Variants in CREBBP observed in about 807,000 individuals in gnomAD.
CREBBP encodes the protein CREB-binding protein.
A neutral mutation model predicts 265.0 loss-of-function variants in CREBBP; 19 were observed. That is an observed-to-expected ratio of 0.07 (90% CI 0.05 to 0.11). The LOEUF (loss-of-function observed/expected upper bound fraction) is 0.11. Among genes scored for constraint, CREBBP ranks in the 10% least tolerant of loss-of-function variants. The pLI, the probability that CREBBP is intolerant of heterozygous loss-of-function variation, is 1.00. For missense variants in CREBBP, 2,525 were observed against 3,219.0 expected (o/e 0.78, Z 5.22); for synonymous variants, 1,457 against 1,223.7 (o/e 1.19, Z -3.98).
At chr16:3,806,219 A>G (rs1012902333) in intron 3 of CREBBP, among the ~76,000 whole-genome samples, 4 of 152,106 alleles carry the variant, frequency 2.6e-5, no homozygotes, top group Admixed American at 2.6e-4. Flanking sequence ...GGCAGGACAC[A>G]GAAGACCACT....
chr16:3,767,229 C>T (rs927507441), intron 16 of CREBBP: 6 of 174,116 alleles, frequency 3.4e-5, no homozygotes, highest in African/African-American at 9.6e-5. Flanking sequence ...GGTCCCTAGG[C>T]GCCACCCTGC....
At chr16:3,837,771 C>T (rs2054485247) in intron 2 of CREBBP, among the ~76,000 whole-genome samples, 1 of 151,858 alleles carries the variant, frequency 6.6e-6, no homozygotes, top group African/African-American at 2.4e-5. Flanking sequence ...TTTTAAAAAA[C>T]TGAAGTTTAT....
intron 1 of CREBBP, among the ~76,000 whole-genome samples, chr16:3,866,121 A>G (rs2055174560): frequency 2.0e-5 from 3 of 152,234 alleles, no homozygotes; most frequent in Admixed American, 6.5e-5. Flanking sequence ...TAGTGTACAA[A>G]TAAGCTTAAA....
chr16:3,747,109 AGCTC>A (rs2151359809), intron 21 of CREBBP, among the ~76,000 whole-genome samples: 1 of 150,634 alleles, frequency 6.6e-6, no homozygotes, highest in Admixed American at 6.6e-5. Context: ...TGGCTCCAAA[AGCTC>A]TTGCTTTAAT....
In CREBBP at chr16:3,726,725, C is replaced by G. The variant is rs1272867837; in HGVS notation, c.*993G>C. 4.3e-6 allele frequency: 1 copy of G among 233,366 alleles called. No individual in the cohort carries two copies. The highest frequency in any genetic ancestry group is 8.5e-6 in the Non-Finnish European group (1 of 118,008). The allele number at this position is 233,366 out of a possible 1,614,324, so 14.5% of individuals were successfully genotyped here. A position where few individuals can be genotyped will look rare whatever the true frequency, so the allele number is the denominator to read the frequency against. On this transcript the variant is annotated 3_prime_UTR_variant, in exon 31 of 31. Transcript: ENST00000262367. ...ATGGGGAAAAAACACATGCATAGTC[C>G]AAATACAATGTTGAAAACAGCATTT... is the stretch of plus-strand genomic sequence containing the variant.
chr16:3,820,207 G>A (rs901018546), intron 2 of CREBBP, among the ~76,000 whole-genome samples: 1 of 152,230 alleles, frequency 6.6e-6, no homozygotes, highest in African/African-American at 2.4e-5. Context: ...ATTGTTGGAA[G>A]AAAGCCAAGA....
At chr16:3,795,321 T>G (rs1191483566) in intron 3 of CREBBP, among the ~76,000 whole-genome samples, 2 of 152,184 alleles carry the variant, frequency 1.3e-5, no homozygotes, top group African/African-American at 4.8e-5. Context: ...CAGAAATAAT[T>G]AACAACAATT....
chr16:3,756,147 C>A (rs2052580992), intron 19 of CREBBP, among the ~76,000 whole-genome samples: 1 of 152,096 alleles, frequency 6.6e-6, no homozygotes, highest in African/African-American at 2.4e-5. Context: ...ATTACTCTGA[C>A]CAAATGAGAG....
chr16:3,868,097 G>A (rs996529334), intron 1 of CREBBP, among the ~76,000 whole-genome samples: 3 of 152,034 alleles, frequency 2.0e-5, no homozygotes, highest in Non-Finnish European at 2.9e-5. Flanking sequence ...GCCTGGCTAC[G>A]CACAGTCCAT....
At chr16:3,743,800 C>T (rs974529390) in intron 23 of CREBBP, 30 of 152,132 alleles carry the variant, frequency 2.0e-4, no homozygotes, top group African/African-American at 6.5e-4. Flanking sequence ...AAAAGTCAGC[C>T]GGGCGCGGTG....
chr16:3,846,417 A>T (rs896054085), intron 2 of CREBBP, among the ~76,000 whole-genome samples: 2 of 152,226 alleles, frequency 1.3e-5, no homozygotes, highest in African/African-American at 4.8e-5. Context: ...GCTGATTTAA[A>T]ATCTCAGTAT....
chr16:3,745,883 T>A (rs773642194), intron 21 of CREBBP, among the ~76,000 whole-genome samples: 6 of 152,034 alleles, frequency 3.9e-5, no homozygotes, highest in Non-Finnish European at 8.8e-5. Flanking sequence ...TTACAAAAGG[T>A]GGAATGTGTC....
rs2141191498 is a variant in CREBBP, at chr16:3,769,266, G to C, written c.2968C>G (p.Pro990Ala). 1 of 1,614,158 alleles carries C rather than the reference G, an allele frequency of 6.2e-7. No individual in the cohort carries two copies. Among genetic ancestry groups the C allele is most frequent in the Non-Finnish European group, 8.5e-7 (1 of 1,180,040 alleles). Residue 990 changes from proline to alanine, a missense_variant, in exon 15 of 31, where the codon CCT (proline) becomes GCT (alanine). Pro to Ala is a conservative substitution (Grantham distance 27). Transcript: ENST00000262367. The part of the protein sequence containing the change: ...SAETNSQQPG[P>A]DVPVLEMKTE... ...TTCATTTCCAGCACAGGTACGTCAG[G>C]TCCTGGCTGCTGGGAATTGGTTTCT...
rs748797469 is a variant in CREBBP at position 3,850,643 on chromosome 16, A to G, written c.452T>C (p.Leu151Pro). 6.2e-7 allele frequency: 1 copy of G among 1,614,182 alleles called. No individual in the cohort carries two copies. Among genetic ancestry groups the G allele is most frequent in the Non-Finnish European group, 8.5e-7 (1 of 1,180,026 alleles). ...SGPTPAASQA[L>P]NPQAQKQVGL... Reference sequence around the variant, plus strand: ...CACTTGCTTTTGTGCTTGCGGATTCAGTGCTTGGGAGGCAGCGGGGGTGGG... The same window carrying G: ...CACTTGCTTTTGTGCTTGCGGATTCGGTGCTTGGGAGGCAGCGGGGGTGGG... The change falls in exon 2 of 31, where the codon CTG (leucine) becomes CCG (proline). Residue 151 changes from leucine (L) to proline (P), a missense_variant. Leu to Pro is a moderately conservative substitution (Grantham distance 98). Coordinates refer to ENST00000262367, the MANE Select transcript of CREBBP (RefSeq NM_004380.3).
intron 2 of CREBBP, among the ~76,000 whole-genome samples, chr16:3,836,424 A>G (rs1191008018): frequency 6.8e-6 from 1 of 147,960 alleles, no homozygotes; most frequent in Non-Finnish European, 1.5e-5. Flanking sequence ...ACAGAGCGAG[A>G]CTGTGTCTCA....
chr16:3,726,767 C>T lies in CREBBP; in HGVS notation c.*951G>A, dbSNP rs1373704824. On this transcript the variant is annotated 3_prime_UTR_variant, in exon 31 of 31. Coordinates refer to ENST00000262367, the MANE Select transcript of CREBBP (RefSeq NM_004380.3). ...ACAGCATTTTCATAACAAAAAACCC[C>T]GAACACTAAGTGTTAATACCATGTA... The T allele has an allele frequency of 1.7e-5, 4 of 233,408 alleles. 1 individual carries two copies. The highest frequency in any genetic ancestry group is 3.6e-4 in the South Asian group (2 of 5,528). The allele number at this position is 233,408 out of a possible 1,614,324, so 14.5% of individuals were successfully genotyped here.
At chr16:3,849,868 T>C (rs2054790343) in intron 2 of CREBBP, among the ~76,000 whole-genome samples, 1 of 152,022 alleles carries the variant, frequency 6.6e-6, no homozygotes, top group African/African-American at 2.4e-5. Flanking sequence ...ACCTCTTCCT[T>C]GTTAACATAG....
At position 3,731,073 on chromosome 16, in the gene CREBBP, G is replaced by A; in HGVS notation, c.5172+119C>T. On this transcript the variant is annotated intron_variant, in intron 30 of 30. Transcript: ENST00000262367. This position sits in a 1 kb window ranked among gnomAD's most constrained non-coding sequence, Gnocchi z 7.7. ...GCCTTGTGACGCTGTCCTAGTTCTGGAGGAGTCAGTGCAGCCACCATCAGG... is the reference window on the plus strand; with the variant it reads ...GCCTTGTGACGCTGTCCTAGTTCTGAAGGAGTCAGTGCAGCCACCATCAGG... The A allele has an allele frequency of 9.7e-7, 1 of 1,030,234 alleles. No homozygotes were observed. Among genetic ancestry groups the A allele is most frequent in the South Asian group, 1.4e-5 (1 of 70,836 alleles). The allele number at this position is 1,030,234 out of a possible 1,614,324, so 63.8% of individuals were successfully genotyped here.
intron 16 of CREBBP, among the ~76,000 whole-genome samples, chr16:3,764,319 C>T (rs1019191725): frequency 6.6e-6 from 1 of 152,098 alleles, no homozygotes; most frequent in Non-Finnish European, 1.5e-5. Context: ...CTCTCTCATC[C>T]AGGCTAGAAC....
Sources: gnomAD v4.1 joint callset for allele counts (sites outside exome capture counted in the v4.1 genomes callset) on GRCh38, gnomAD v4.1.1 for gene constraint, Gnocchi (gnomAD v3.1) non-coding constraint, MANE v1.5 for transcripts, NCBI Gene and HGNC (gene_info 2026-07-23, HGNC 2026-07-21) for gene names.